ZNF605: variants seen among roughly 807,000 people sequenced by gnomAD.
ZNF605 encodes the protein zinc finger protein 605.
ZNF605 carries 9 observed loss-of-function variants against 7.9 expected under a neutral mutation model. The observed-to-expected ratio is 1.14, with a 90% CI of 0.68 to 1.98. The LOEUF is 1.98. Ranked by LOEUF, ZNF605 falls within the 30% of genes most tolerant of loss-of-function variation. The pLI is 0.00. For missense variants in ZNF605, 673 were observed against 762.4 expected (o/e 0.88, Z 1.38); for synonymous variants, 255 against 260.1 (o/e 0.98, Z 0.19).
At chr12:132,945,193 A>G (rs999928618) in intron 3 of ZNF605, 42 of 556,070 alleles carry the variant, frequency 7.6e-5, no homozygotes, top group South Asian at 4.2e-4. Flanking sequence ...CAAACTCCTG[A>G]CCTCAAATGA....
At chr12:132,953,188 C>T (rs1363430602) in intron 1 of ZNF605, among the ~76,000 whole-genome samples, 1 of 152,198 alleles carries the variant, frequency 6.6e-6, no homozygotes, top group East Asian at 1.9e-4. Flanking sequence ...CCCCATGTGC[C>T]CCCATCACTC....
chr12:132,944,419 T>C (rs754052758), intron 3 of ZNF605, among the ~76,000 whole-genome samples: 2 of 152,176 alleles, frequency 1.3e-5, no homozygotes, highest in South Asian at 2.1e-4. Flanking sequence ...GTCTGTTTCT[T>C]GAGTCAACAA....
rs1952235566 is a variant in ZNF605 at position 132,925,301 on chromosome 12, A to G, written c.*72T>C. On this transcript the variant is annotated 3_prime_UTR_variant, in exon 5 of 5. Coordinates refer to ENST00000360187, the MANE Select transcript of ZNF605 (RefSeq NM_183238.4). ...TGCCTCAATAGGGTTTCTCTCCCAC[A>G]TGCATCCTCAAAAGTGTCAGAAAGT... 8.6e-7 allele frequency: 1 copy of G among 1,159,480 alleles called. No homozygotes were observed. The highest frequency in any genetic ancestry group is 1.2e-6 in the Non-Finnish European group (1 of 824,316). The allele number at this position is 1,159,480 out of a possible 1,614,324, so 71.8% of individuals were successfully genotyped here.
intron 4 of ZNF605, chr12:132,932,813 T>C (rs895606273): frequency 4.6e-5 from 71 of 1,533,448 alleles, no homozygotes; most frequent in African/African-American, 1.5e-4. Context: ...AACCTGTCGA[T>C]TGGAAACACA....
chr12:132,949,468 CT>C (rs1952534770), intron 1 of ZNF605, among the ~76,000 whole-genome samples: 1 of 152,222 alleles, frequency 6.6e-6, no homozygotes, highest in African/African-American at 2.4e-5. Context: ...AATTGGCCCC[CT>C]GGCCCTCACT....
At position 132,932,856 on chromosome 12, in the gene ZNF605, T is replaced by G. The variant is rs1470472558; in HGVS notation, c.136+179A>C. 3 of 1,417,522 alleles carry G rather than the reference T, an allele frequency of 2.1e-6. No individual in the cohort carries two copies. The African/African-American group carries it at 4.3e-5, about 21-fold the overall frequency. The allele number at this position is 1,417,522 out of a possible 1,614,324, so 87.8% of individuals were successfully genotyped here. A position where few individuals can be genotyped will look rare whatever the true frequency, so the allele number is the denominator to read the frequency against. ...TGGACCTAACTGCCTGGGCTAAGAG[T>G]CTTAAATATGTAGAATGTTTTATTA... On this transcript the variant is annotated intron_variant, in intron 4 of 4. Transcript: ENST00000360187.
chr12:132,951,523 G>GTACACGT (rs1437842735), intron 1 of ZNF605, among the ~76,000 whole-genome samples: 1 of 148,272 alleles, frequency 6.7e-6, no homozygotes, highest in African/African-American at 2.5e-5. Flanking sequence ...ACACACTGAT[G>GTACACGT]TACACGTACG....
intron 3 of ZNF605, among the ~76,000 whole-genome samples, chr12:132,936,844 A>G (rs1952372012): frequency 6.6e-6 from 1 of 152,206 alleles, no homozygotes; most frequent in Non-Finnish European, 1.5e-5. Flanking sequence ...GATCAATTTA[A>G]GAAAAAAATT....
In ZNF605 at chr12:132,925,185, T is replaced by C. The variant is rs1952234179; in HGVS notation, c.*188A>G. 3.9e-6 allele frequency: 2 copies of C among 514,988 alleles called. No individual in the cohort carries two copies. Among genetic ancestry groups the C allele is most frequent in the Non-Finnish European group, 6.7e-6 (2 of 296,338 alleles). The allele number at this position is 514,988 out of a possible 1,614,324, so 31.9% of individuals were successfully genotyped here. A position where few individuals can be genotyped will look rare whatever the true frequency, so the allele number is the denominator to read the frequency against. On this transcript the variant is annotated 3_prime_UTR_variant, in exon 5 of 5. Transcript: ENST00000360187. ...GAGTAGTGTCTTCTGGGAGATGACT[T>C]TTTTTACACTGTTTGCTTTTTAAAA...
At chr12:132,945,876 G>T in intron 2 of ZNF605, 79 bp from the exon 3 acceptor site, 1 of 627,850 alleles carries the variant, frequency 1.6e-6, no homozygotes, top group Non-Finnish European at 2.8e-6. Flanking sequence ...CTTGCTGGGA[G>T]CTCAGATTAT....
chr12:132,923,398 T>C lies in ZNF605; in HGVS notation c.*1975A>G, dbSNP rs1952220279. 1 of 152,230 alleles carries C rather than the reference T, an allele frequency of 6.6e-6. No homozygotes were observed. The highest frequency in any genetic ancestry group is 1.5e-5 in the Non-Finnish European group (1 of 68,048). The allele number at this position is 152,230 out of a possible 1,614,324, so 9.4% of individuals were successfully genotyped here. On this transcript the variant is annotated 3_prime_UTR_variant, in exon 5 of 5. Transcript: ENST00000360187. Reference sequence around the variant, plus strand: ...ACAGGTAATAAAATTACCTTTGATTTAGTTTCTCAGAAACAGTCTTTATTT... The same window carrying C: ...ACAGGTAATAAAATTACCTTTGATTCAGTTTCTCAGAAACAGTCTTTATTT...
At chr12:132,949,303 T>C (rs1348058141) in intron 1 of ZNF605, among the ~76,000 whole-genome samples, 1 of 152,192 alleles carries the variant, frequency 6.6e-6, no homozygotes, top group Non-Finnish European at 1.5e-5. Flanking sequence ...AGGAGATTCA[T>C]TTAAACCACC....
intron 4 of ZNF605, among the ~76,000 whole-genome samples, chr12:132,931,572 A>G (rs951354523): frequency 4.0e-4 from 61 of 152,352 alleles, no homozygotes; most frequent in African/African-American, 1.3e-3. Flanking sequence ...AGATGCAGAG[A>G]AAAATTTCAG....
Position 132,923,271 on chromosome 12 carries a change from C to G in ZNF605, c.*2102G>C, listed in dbSNP as rs543796615. On this transcript the variant is annotated 3_prime_UTR_variant, in exon 5 of 5. Transcript: ENST00000360187. ...TCTTTTATATTTACCCACATATTCA[C>G]CATTTTCAGAACTTCATTCCTTTGT... The G allele has an allele frequency of 1.1e-4, 17 of 152,306 alleles. No homozygotes were observed. The highest frequency in any genetic ancestry group is 2.1e-4 in the Non-Finnish European group (14 of 68,020). 9.4% of individuals were successfully genotyped at this position (152,306 alleles called of 1,614,324 possible). A position where few individuals can be genotyped will look rare whatever the true frequency, so the allele number is the denominator to read the frequency against.
In ZNF605 at chr12:132,949,858, G is replaced by A. The variant is rs868442266; in HGVS notation, c.-285-1588C>T. Among the ~76,000 whole-genome samples, 619 of 152,290 alleles carry A rather than the reference G, an allele frequency of 4.1e-3. 3 individuals carry two copies. Among genetic ancestry groups the A allele is most frequent in the African/African-American group, 0.014 (565 of 41,550 alleles). On this transcript the variant is annotated intron_variant, in intron 1 of 4. Transcript: ENST00000360187. ...AAAGGAGAGGCATGGCGCAGGCTTC[G>A]CCCGTTCGCAGCTGAAGTAGAGAGA...
At chr12:132,938,421 CT>C (rs1438545885) in intron 3 of ZNF605, among the ~76,000 whole-genome samples, 1 of 152,184 alleles carries the variant, frequency 6.6e-6, no homozygotes, top group African/African-American at 2.4e-5. Context: ...CTGCCTCAGC[CT>C]CCCGAGTAGC....
chr12:132,942,230 T>C (rs970026111), intron 3 of ZNF605, among the ~76,000 whole-genome samples: 4 of 152,192 alleles, frequency 2.6e-5, no homozygotes, highest in African/African-American at 7.2e-5. Context: ...ATGATCTTTA[T>C]TTTTCAGACC....
chr12:132,942,408 C>A (rs1226627108), intron 3 of ZNF605, among the ~76,000 whole-genome samples: 3 of 152,212 alleles, frequency 2.0e-5, no homozygotes, highest in Admixed American at 2.0e-4. Context: ...GGCTCCTGGG[C>A]TCTGTGCAGA....
intron 1 of ZNF605, among the ~76,000 whole-genome samples, chr12:132,955,846 C>T (rs758895972): frequency 3.9e-4 from 60 of 152,078 alleles, no homozygotes; most frequent in Non-Finnish European, 7.6e-4. Context: ...CCCCTCTCCC[C>T]TGGGGCCAAG....
Sources: allele counts gnomAD v4.1 joint callset (sites outside exome capture counted in the v4.1 genomes callset), GRCh38; gene constraint gnomAD v4.1.1; transcripts MANE v1.5; gene names NCBI Gene and HGNC (gene_info 2026-07-23, HGNC 2026-07-21).